Variants in CNKSR2 observed in about 807,000 individuals in gnomAD.
CNKSR2 encodes CNK homolog protein 2.
CNKSR2 carries 14 observed loss-of-function variants against 84.4 expected under a neutral mutation model. The observed-to-expected ratio is 0.17, with a 90% confidence interval of 0.11 to 0.26. The LOEUF (loss-of-function observed/expected upper bound fraction) is 0.26. CNKSR2 is among the 10% of genes least tolerant of loss of function. The pLI, the probability that CNKSR2 is intolerant of heterozygous loss-of-function variation, is 1.00. For missense variants in CNKSR2, 485 were observed against 771.2 expected, an observed-to-expected ratio of 0.63 and a Z score of 4.40; for synonymous variants, 275 against 277.9, an observed-to-expected ratio of 0.99 and a Z score of 0.10.
chrX:21,590,883 G>A, intron 14 of CNKSR2, 139 bp from the exon 15 acceptor site: 1 of 539,413 alleles, frequency 1.9e-6, no homozygotes, highest in Non-Finnish European at 2.9e-6. Context: ...AAATATTAAA[G>A]ATTTTTATAT....
intron 1 of CNKSR2, among the ~76,000 whole-genome samples, chrX:21,383,076 A>T (rs1275640488): frequency 8.9e-6 from 1 of 112,070 alleles, no homozygotes; most frequent in Non-Finnish European, 1.9e-5. Context: ...AATTGTAAAG[A>T]TCTTAATAGG....
chrX:21,609,079 C>T lies in CNKSR2; in HGVS notation c.2154C>T (p.Cys718=), dbSNP rs751955877. Residue 718 remains cysteine (C), a synonymous_variant, in exon 20 of 22, where the codon TGC becomes TGT. Coordinates refer to ENST00000379510, the MANE Select transcript of CNKSR2 (RefSeq NM_014927.5). ...DTYPRPPSMS[C]ASPYVEAKHS... ...GGGGCTCCTTTCTACAGATGAGTTGCGCCAGTCCTTATGTGGAAGCAAAAC... is the reference window on the plus strand; with the variant it reads ...GGGGCTCCTTTCTACAGATGAGTTGTGCCAGTCCTTATGTGGAAGCAAAAC... 71 of 1,201,682 alleles carry T rather than the reference C, an allele frequency of 5.9e-5. No individual in the cohort carries two copies. In the Middle Eastern group the frequency reaches 7.8e-4, roughly 13 times the overall value.
rs35121561 is a variant in CNKSR2, at chrX:21,459,018, CT to C, written c.520-11727del. ...TCTACTCCTGACAATATTCTTCATC[CT>C]TTTTTTTTTTTTTTTTTTTTGAGAC... On this transcript the variant is annotated intron_variant, in intron 4 of 21. Coordinates refer to ENST00000379510, the MANE Select transcript of CNKSR2 (RefSeq NM_014927.5). 4.5e-3 allele frequency among the ~76,000 whole-genome samples: 396 copies of C among 88,491 alleles called. 3 individuals carry two copies. The highest frequency in any genetic ancestry group is 0.044 in the East Asian group (124 of 2,848). The allele number at this position is 88,491 out of a possible 115,157, so 76.8% of individuals were successfully genotyped here. A position where few individuals can be genotyped will look rare whatever the true frequency, so the allele number is the denominator to read the frequency against.
intron 6 of CNKSR2, chrX:21,494,087 A>T (rs374131691): frequency 9.0e-6 from 1 of 111,518 alleles, no homozygotes; most frequent in Non-Finnish European, 1.9e-5. Flanking sequence ...TAACTACTAG[A>T]TACTGTCTTT....
At chrX:21,502,347 C>A (rs2091567731) in intron 8 of CNKSR2, among the ~76,000 whole-genome samples, 1 of 106,385 alleles carries the variant, frequency 9.4e-6, no homozygotes, top group South Asian at 4.5e-4. Flanking sequence ...AGTTGATTCA[C>A]TTTTTTCCAC....
chrX:21,495,360 A>C (rs2091482688), intron 6 of CNKSR2: 1 of 112,107 alleles, frequency 8.9e-6, no homozygotes, highest in African/African-American at 3.2e-5. Context: ...AGTCCCTGGC[A>C]CATTGTAACA....
At chrX:21,494,288 C>T in intron 6 of CNKSR2, 1 of 111,649 alleles carries the variant, frequency 9.0e-6, no homozygotes. Context: ...GGACTCTTGT[C>T]AAACACCTTT....
chrX:21,583,120 C>G (rs1165758824), intron 13 of CNKSR2, among the ~76,000 whole-genome samples: 3 of 111,150 alleles, frequency 2.7e-5, no homozygotes, highest in African/African-American at 9.8e-5. Context: ...GTACCCCGAT[C>G]CTAAAATAAA....
intron 4 of CNKSR2, among the ~76,000 whole-genome samples, chrX:21,443,096 A>G (rs189852451): frequency 9.0e-6 from 1 of 110,707 alleles, no homozygotes; most frequent in Non-Finnish European, 1.9e-5. Flanking sequence ...ACCCCATGAT[A>G]CCCAATTTAC....
intron 20 of CNKSR2, among the ~76,000 whole-genome samples, chrX:21,631,477 A>G (rs2092647879): frequency 9.0e-6 from 1 of 111,661 alleles, no homozygotes; most frequent in South Asian, 3.7e-4. Flanking sequence ...ATTTCTGCCT[A>G]TTTATTTATC....
chrX:21,459,610 A>T (rs1427782331), intron 4 of CNKSR2, among the ~76,000 whole-genome samples: 1 of 110,558 alleles, frequency 9.0e-6, no homozygotes, highest in African/African-American at 3.3e-5. Context: ...GCATACTTAT[A>T]TATTCTTTGC....
At chrX:21,468,279 A>G (rs2091154608) in intron 4 of CNKSR2, among the ~76,000 whole-genome samples, 1 of 111,410 alleles carries the variant, frequency 9.0e-6, no homozygotes, top group African/African-American at 3.3e-5. Flanking sequence ...TATATTCAAT[A>G]TTATTTAAAT....
chrX:21,434,440 T>G (rs910416923), intron 3 of CNKSR2, among the ~76,000 whole-genome samples: 1 of 111,691 alleles, frequency 9.0e-6, no homozygotes, highest in Non-Finnish European at 1.9e-5. Context: ...AAAACACATA[T>G]GTGCATGCAC....
chrX:21,538,688 C>A (rs1470685499), intron 11 of CNKSR2: 1 of 112,463 alleles, frequency 8.9e-6, no homozygotes, highest in Non-Finnish European at 1.9e-5. Flanking sequence ...CAGTCCAGGT[C>A]CCAAAGCCTC....
In CNKSR2 at chrX:21,606,771, AT is replaced by A; in HGVS notation, c.2045-4del. 1.8e-6 allele frequency: 2 copies of A among 1,119,785 alleles called. No individual in the cohort carries two copies. The highest frequency in any genetic ancestry group is 1.8e-5 in the African/African-American group (1 of 55,737). 92.3% of individuals were successfully genotyped at this position (1,119,785 alleles called of 1,213,427 possible). Reference sequence around the variant, plus strand: ...AATGTTGACGTATCCATGTCTGTGAATTTTCAGATTACTGGAGTGAGAGTGA... The same window carrying A: ...AATGTTGACGTATCCATGTCTGTGAATTTCAGATTACTGGAGTGAGAGTGA... On this transcript the variant is annotated splice_polypyrimidine_tract_variant and splice_region_variant and intron_variant, in intron 18 of 21. Transcript: ENST00000379510.
At chrX:21,545,492 C>T (rs1411227267) in intron 11 of CNKSR2, among the ~76,000 whole-genome samples, 2 of 112,166 alleles carry the variant, frequency 1.8e-5, no homozygotes, top group Non-Finnish European at 3.8e-5. Flanking sequence ...GTGGGTGCAG[C>T]TTCGGCAGAC....
At position 21,374,630 on chromosome X, in the gene CNKSR2, A is replaced by AGCCGCAGCAGCAGCAGCAGCAGCAGCC; in HGVS notation, c.-263_-262insAGCAGCAGCAGCAGCAGCAGCCGCCGC. The AGCCGCAGCAGCAGCAGCAGCAGCAGCC allele has an allele frequency of 6.7e-6, 3 of 448,647 alleles. 1 individual carries two copies. The highest frequency in any genetic ancestry group is 3.9e-6 in the Non-Finnish European group (1 of 256,327). 37.0% of individuals were successfully genotyped at this position (448,647 alleles called of 1,213,427 possible). A position where few individuals can be genotyped will look rare whatever the true frequency, so the allele number is the denominator to read the frequency against. The stretch of plus-strand genomic sequence containing the variant: ...CAGCAGCAGCAGCAGCAGCAGCAGC[A>AGCCGCAGCAGCAGCAGCAGCAGCAGCC]GCCGCCGCCGCCGCCGCCTTAGCGG... On this transcript the variant is annotated 5_prime_UTR_variant, in exon 1 of 22. Transcript: ENST00000379510.
chrX:21,377,660 A>T (rs2089838257), intron 1 of CNKSR2, among the ~76,000 whole-genome samples: 1 of 111,783 alleles, frequency 8.9e-6, no homozygotes, highest in African/African-American at 3.2e-5. Context: ...AGTAAGGTAC[A>T]TTCTTTATGT....
intron 17 of CNKSR2, among the ~76,000 whole-genome samples, chrX:21,597,781 A>G (rs918598243): frequency 9.1e-6 from 1 of 109,848 alleles, no homozygotes; most frequent in Non-Finnish European, 1.9e-5. Flanking sequence ...TAAGCCTTCA[A>G]GAGATTATAT....
Sources: gnomAD v4.1 joint callset for allele counts (sites outside exome capture counted in the v4.1 genomes callset) on GRCh38, gnomAD v4.1.1 for gene constraint, MANE v1.5 for transcripts, NCBI Gene and HGNC (gene_info 2026-07-23, HGNC 2026-07-21) for gene names.